IQSEC3: variants seen among roughly 807,000 people sequenced by gnomAD.
The protein encoded by IQSEC3 is IQ motif and Sec7 domain ArfGEF 3.
IQSEC3 carries 50 observed loss-of-function variants against 105.4 expected under a neutral mutation model. That is an observed-to-expected ratio of 0.47 (90% CI 0.38 to 0.60). The LOEUF is 0.60. Among genes scored for constraint, IQSEC3 ranks in the 20% least tolerant of loss-of-function variants. The probability of loss-of-function intolerance (pLI) is 0.00; values close to 1 mark genes in which losing one functional copy is unlikely to be tolerated. For missense variants in IQSEC3, 1,415 were observed against 1,630.0 expected, an observed-to-expected ratio of 0.87 and a Z score of 2.27; for synonymous variants, 708 against 746.0, an observed-to-expected ratio of 0.95 and a Z score of 0.83.
At chr12:88,356 C>G (rs782384047) in intron 1 of IQSEC3, among the ~76,000 whole-genome samples, 23 of 152,184 alleles carry the variant, frequency 1.5e-4, no homozygotes, top group Non-Finnish European at 2.4e-4. Context: ...TTATGAACAT[C>G]TGAAAAACGT....
intron 5 of IQSEC3, among the ~76,000 whole-genome samples, chr12:155,319 A>C (rs1329311631): frequency 6.6e-6 from 1 of 152,052 alleles, no homozygotes; most frequent in African/African-American, 2.4e-5. Flanking sequence ...CCCCAGCCCC[A>C]CCCTCACCTG....
intron 7 of IQSEC3, 45 bp from the exon 8 acceptor site, chr12:161,877 ACCCT>A: frequency 1.6e-5 from 24 of 1,505,158 alleles, no homozygotes; most frequent in Non-Finnish European, 1.7e-5. Flanking sequence ...GGGCTCTGAC[ACCCT>A]CCCTCCCAAC....
At chr12:92,624 C>A (rs1864123768) in intron 1 of IQSEC3, among the ~76,000 whole-genome samples, 1 of 152,230 alleles carries the variant, frequency 6.6e-6, no homozygotes, top group South Asian at 2.1e-4. Flanking sequence ...CAGCCGAGAT[C>A]CGGGTCCCGG....
chr12:107,380 T>A (rs1864689514), intron 2 of IQSEC3, among the ~76,000 whole-genome samples: 1 of 151,714 alleles, frequency 6.6e-6, no homozygotes, highest in South Asian at 2.1e-4. Flanking sequence ...ACCCAGGAGG[T>A]TTCCCTCCGG....
At position 138,907 on chromosome 12, in the gene IQSEC3, C is replaced by A. The variant is rs782088139; in HGVS notation, c.1544C>A (p.Thr515Lys). 117 of 1,606,510 alleles carry A rather than the reference C, an allele frequency of 7.3e-5. No homozygotes were observed. The highest frequency in any genetic ancestry group is 9.3e-5 in the Non-Finnish European group (109 of 1,177,232). The change falls in exon 4 of 14, where the codon ACG becomes AAG. Residue 515 changes from threonine to lysine, a missense_variant. Thr to Lys is a moderately conservative substitution (Grantham distance 78). Around this residue, in one of 6 missense-constraint regions of IQSEC3, gnomAD observed 720 missense variants for 633.0 expected, o/e 1.14. Coordinates refer to ENST00000538872, the MANE Select transcript of IQSEC3 (RefSeq NM_001170738.2). This position sits in a 1 kb window ranked among gnomAD's most constrained non-coding sequence, Gnocchi z 7.1. Reference protein sequence around the residue: ...LSVANCLGAQTVQAPAEPAAG... With the variant: ...LSVANCLGAQKVQAPAEPAAG... The stretch of plus-strand genomic sequence containing the variant: ...GTGGCCAACTGCCTGGGCGCTCAGA[C>A]GGTCCAGGCCCCCGCAGAGCCCGCG...
intron 1 of IQSEC3, among the ~76,000 whole-genome samples, chr12:71,608 A>C (rs1325866913): frequency 1.3e-5 from 2 of 152,284 alleles, no homozygotes; most frequent in Non-Finnish European, 2.9e-5. Context: ...CAGAAAATTC[A>C]ATCTATGGAG....
Position 157,435 on chromosome 12 carries a change from C to A in IQSEC3, c.2277-93C>A, listed in dbSNP as rs1341938970. 23 of 1,325,014 alleles carry A rather than the reference C, an allele frequency of 1.7e-5. No homozygotes were observed. The South Asian group carries it at 2.6e-4, about 15-fold the overall frequency. The allele number at this position is 1,325,014 out of a possible 1,614,324, so 82.1% of individuals were successfully genotyped here. On this transcript the variant is annotated intron_variant, in intron 6 of 13. Transcript: ENST00000538872. ...CCCTGGACCTAAAGCCTTCGGAGAG[C>A]TGGGATACCCCCTGGACACCCCCTT...
chr12:168,378 T>C (rs4980860), intron 11 of IQSEC3, among the ~76,000 whole-genome samples: 148,428 of 152,254 alleles, frequency 0.97, 72,464 homozygotes, highest in East Asian at 1. Context: ...GAGGCTCAGC[T>C]GGCCAGGCAG....
chr12:162,982 T>C (rs1384529373), intron 8 of IQSEC3, among the ~76,000 whole-genome samples: 1 of 152,056 alleles, frequency 6.6e-6, no homozygotes, highest in Non-Finnish European at 1.5e-5. Context: ...TATCCCCTCA[T>C]TTACTGTGGC....
chr12:168,836 AG>A, intron 11 of IQSEC3, 176 bp from the exon 12 acceptor site: 1 of 620,034 alleles, frequency 1.6e-6, no homozygotes, highest in African/African-American at 1.8e-5. Context: ...TGCGGCTCCG[AG>A]GGGGTATTTA....
Position 98,469 on chromosome 12 carries a change from T to C in IQSEC3, c.555-677T>C, listed in dbSNP as rs569310354. On this transcript the variant is annotated intron_variant, in intron 1 of 13. Transcript: ENST00000538872. ...ATATGCAGCTAGGGCTGAGAACCAC[T>C]TCGCTAGTTCAACTCCCTTATTTCA... Among the ~76,000 whole-genome samples the C allele has an allele frequency of 2.0e-5, 3 of 152,186 alleles. No homozygotes were observed. The East Asian group carries it at 5.8e-4, about 29-fold the overall frequency.
At chr12:147,492 G>A (rs531459762) in intron 5 of IQSEC3, among the ~76,000 whole-genome samples, 1 of 152,184 alleles carries the variant, frequency 6.6e-6, no homozygotes, top group African/African-American at 2.4e-5. Context: ...TCTGAAGCCA[G>A]GCACAATGAC....
chr12:110,762 G>C (rs1864855364), intron 2 of IQSEC3, among the ~76,000 whole-genome samples: 1 of 152,130 alleles, frequency 6.6e-6, no homozygotes, highest in Non-Finnish European at 1.5e-5. Context: ...TCTTCCCAGA[G>C]TGGCCTCATT....
At chr12:89,724 A>G (rs1396472099) in intron 1 of IQSEC3, among the ~76,000 whole-genome samples, 1 of 152,134 alleles carries the variant, frequency 6.6e-6, no homozygotes, top group Non-Finnish European at 1.5e-5. Flanking sequence ...ACCTTCCTTT[A>G]TTTAATACAA....
Position 178,422 on chromosome 12 carries a change from A to T in IQSEC3, c.*3389A>T, listed in dbSNP as rs1259822233. On this transcript the variant is annotated 3_prime_UTR_variant, in exon 14 of 14. Transcript: ENST00000538872. ...GGTATTTTATCTGTTCAATTCATAG[A>T]GTTTTAGAGATTATATTGAAAGATG... 1.3e-5 allele frequency: 2 copies of T among 152,186 alleles called. No homozygotes were observed. The highest frequency in any genetic ancestry group is 4.8e-5 in the African/African-American group (2 of 41,420). 9.4% of individuals were successfully genotyped at this position (152,186 alleles called of 1,614,324 possible). A position where few individuals can be genotyped will look rare whatever the true frequency, so the allele number is the denominator to read the frequency against.
chr12:147,147 T>A (rs1866308756), intron 5 of IQSEC3, among the ~76,000 whole-genome samples: 1 of 152,174 alleles, frequency 6.6e-6, no homozygotes, highest in African/African-American at 2.4e-5. Context: ...GGAGTCAGTC[T>A]CCTCTGTGTG....
intron 3 of IQSEC3, among the ~76,000 whole-genome samples, chr12:127,698 T>C (rs1425333757): frequency 1.3e-5 from 2 of 152,230 alleles, no homozygotes; most frequent in African/African-American, 4.8e-5. Flanking sequence ...TCTGTTCATG[T>C]CCTTTGCCCA....
intron 5 of IQSEC3, among the ~76,000 whole-genome samples, chr12:156,593 G>A (rs1448433197): frequency 1.3e-5 from 2 of 152,182 alleles, no homozygotes; most frequent in African/African-American, 2.4e-5. Flanking sequence ...GGAGGACTCA[G>A]CCCCCTCAAG....
chr12:77,998 G>A (rs1380088424), intron 1 of IQSEC3, among the ~76,000 whole-genome samples: 3 of 151,728 alleles, frequency 2.0e-5, no homozygotes, highest in Non-Finnish European at 4.4e-5. Flanking sequence ...GGGCGGCGGC[G>A]AGGACCTGCA....
Sources: allele counts gnomAD v4.1 joint callset (sites outside exome capture counted in the v4.1 genomes callset), GRCh38; gene constraint gnomAD v4.1.1; regional missense constraint gnomAD v4.1.1; non-coding constraint Gnocchi (gnomAD v3.1); transcripts MANE v1.5; gene names NCBI Gene and HGNC (gene_info 2026-07-23, HGNC 2026-07-21).